Variants in DCLK2 observed in about 807,000 individuals in gnomAD.
DCLK2 encodes serine/threonine-protein kinase DCLK2.
Under a neutral mutation model 78.4 loss-of-function variants are expected in DCLK2, and 31 were observed. That is an observed-to-expected ratio of 0.40 (90% CI 0.30 to 0.53). The LOEUF is 0.53. DCLK2 is among the 20% of genes least tolerant of loss of function. The pLI, the probability that DCLK2 is intolerant of heterozygous loss-of-function variation, is 0.61. For missense variants in DCLK2, 872 were observed against 973.7 expected, an observed-to-expected ratio of 0.90 and a Z score of 1.39; for synonymous variants, 407 against 374.9, an observed-to-expected ratio of 1.09 and a Z score of -0.99.
At chr4:150,226,672 T>A (rs1263237935) in intron 8 of DCLK2, among the ~76,000 whole-genome samples, 1 of 152,208 alleles carries the variant, frequency 6.6e-6, no homozygotes, top group Non-Finnish European at 1.5e-5. Flanking sequence ...GTTCTAACAT[T>A]TGAATCTTAT....
At chr4:150,251,916 T>C (rs928547648) in intron 15 of DCLK2, among the ~76,000 whole-genome samples, 1 of 151,888 alleles carries the variant, frequency 6.6e-6, no homozygotes, top group African/African-American at 2.4e-5. Context: ...GCTGCTCCCC[T>C]GCCAGAAAGT....
intron 5 of DCLK2, among the ~76,000 whole-genome samples, chr4:150,204,637 A>G (rs573759202): frequency 7.9e-4 from 120 of 152,300 alleles, no homozygotes; most frequent in African/African-American, 2.8e-3. Context: ...CACGCCTGTA[A>G]TCCCAGCACT....
At chr4:150,125,782 G>GTAATC (rs1732881418) in intron 2 of DCLK2, among the ~76,000 whole-genome samples, 1 of 151,628 alleles carries the variant, frequency 6.6e-6, no homozygotes, top group Non-Finnish European at 1.5e-5. Flanking sequence ...TCCCAGCTAC[G>GTAATC]TGGGAGGCTG....
intron 5 of DCLK2, among the ~76,000 whole-genome samples, chr4:150,205,521 A>G (rs913168065): frequency 3.3e-5 from 5 of 152,232 alleles, no homozygotes; most frequent in African/African-American, 9.6e-5. Context: ...CAAAAGAAGC[A>G]GGCATTTTTC....
intron 5 of DCLK2, among the ~76,000 whole-genome samples, chr4:150,215,211 C>A (rs1740600100): frequency 6.6e-6 from 1 of 152,024 alleles, no homozygotes; most frequent in Non-Finnish European, 1.5e-5. Flanking sequence ...CTTTTGTGAC[C>A]AAATGTGGGG....
intron 15 of DCLK2, chr4:150,253,570 TGCGTCC>T: frequency 2.3e-6 from 3 of 1,289,628 alleles, no homozygotes; most frequent in Non-Finnish European, 3.0e-6. Flanking sequence ...TTCACCACGC[TGCGTCC>T]GACCAGCGCG....
chr4:150,150,872 A>C (rs1191938463), intron 2 of DCLK2, among the ~76,000 whole-genome samples: 1 of 152,194 alleles, frequency 6.6e-6, no homozygotes, highest in African/African-American at 2.4e-5. Context: ...AGCTGAAATA[A>C]AGGAGGGCAG....
At chr4:150,101,716 A>G (rs927434302) in intron 1 of DCLK2, among the ~76,000 whole-genome samples, 9 of 152,214 alleles carry the variant, frequency 5.9e-5, no homozygotes, top group Non-Finnish European at 7.3e-5. Context: ...GGCAAATAAT[A>G]TAGCTCTTAT....
Position 150,256,513 on chromosome 4 carries a change from C to A in DCLK2, c.*266C>A, listed in dbSNP as rs1245839358. Reference sequence around the variant, plus strand: ...CGGAGAGACTCGTTCCAGATCATCCCGTCATTTTCAGTTTGTTGGACATTT... The same window carrying A: ...CGGAGAGACTCGTTCCAGATCATCCAGTCATTTTCAGTTTGTTGGACATTT... On this transcript the variant is annotated 3_prime_UTR_variant, in exon 16 of 16. Coordinates refer to ENST00000296550, the MANE Select transcript of DCLK2 (RefSeq NM_001040260.4). 1.6e-5 allele frequency: 7 copies of A among 431,408 alleles called. No individual in the cohort carries two copies. The East Asian group carries it at 2.6e-4, about 16-fold the overall frequency. 26.7% of individuals were successfully genotyped at this position (431,408 alleles called of 1,614,324 possible). A position where few individuals can be genotyped will look rare whatever the true frequency, so the allele number is the denominator to read the frequency against.
intron 2 of DCLK2, among the ~76,000 whole-genome samples, chr4:150,168,858 C>G (rs1736297101): frequency 6.6e-6 from 1 of 152,158 alleles, no homozygotes; most frequent in Admixed American, 6.5e-5. Flanking sequence ...GAGCTGGTTA[C>G]CAAGCCAGTT....
At chr4:150,155,448 G>A (rs888642187) in intron 2 of DCLK2, among the ~76,000 whole-genome samples, 2 of 152,188 alleles carry the variant, frequency 1.3e-5, no homozygotes. Flanking sequence ...TTCGGTTTTT[G>A]TATGCAGCAA....
Position 150,193,155 on chromosome 4 carries a change from C to CT in DCLK2, c.780dup (p.Gly261TrpfsTer2). ...GTTCTCAGGTTACTTGTCTGCAAGACTTTTTTGGTGATGACGATGTTTTTA... is the reference window on the plus strand; with the variant it reads ...GTTCTCAGGTTACTTGTCTGCAAGACTTTTTTTGGTGATGACGATGTTTTTA... On this transcript the variant is annotated frameshift_variant, in exon 3 of 16. Coordinates refer to ENST00000296550, the MANE Select transcript of DCLK2 (RefSeq NM_001040260.4). LOFTEE classifies it high-confidence loss of function. The CT allele has an allele frequency of 1.2e-6, 2 of 1,608,972 alleles. No individual in the cohort carries two copies. Among genetic ancestry groups the CT allele is most frequent in the South Asian group, 1.1e-5 (1 of 90,002 alleles).
intron 2 of DCLK2, among the ~76,000 whole-genome samples, chr4:150,175,224 T>C (rs923280400): frequency 7.6e-6 from 1 of 131,104 alleles, no homozygotes; most frequent in African/African-American, 2.9e-5. Flanking sequence ...TTTATCTATA[T>C]ATATTTATAT....
At chr4:150,249,530 G>C (rs752914941) in intron 14 of DCLK2, 38 bp from the exon 15 acceptor site, 3 of 1,578,430 alleles carry the variant, frequency 1.9e-6, no homozygotes, top group Non-Finnish European at 2.6e-6. Flanking sequence ...ACGGGAGGAT[G>C]GAAAAAGCAT....
chr4:150,208,376 T>C (rs1455337819), intron 5 of DCLK2, among the ~76,000 whole-genome samples: 1 of 151,510 alleles, frequency 6.6e-6, no homozygotes, highest in Non-Finnish European at 1.5e-5. Context: ...GTCTTCAAGA[T>C]GGAGAAACGG....
In DCLK2 at chr4:150,198,081, A is replaced by G; in HGVS notation, c.939A>G (p.Arg313=). 6.2e-7 allele frequency: 1 copy of G among 1,613,820 alleles called. No homozygotes were observed. The highest frequency in any genetic ancestry group is 8.5e-7 in the Non-Finnish European group (1 of 1,179,900). The change falls in exon 4 of 16, where the codon CGA becomes CGG. Residue 313 remains arginine (R), a synonymous_variant. Transcript: ENST00000296550. The part of the protein sequence containing the change: ...YSGSKSPGPS[R]RSKSPASVNG... ...GATCCAAAAGCCCTGGGCCCTCTCG[A>G]CGCAGCAAATCACCAGCTTCAGGTA...
chr4:150,187,382 C>T (rs1207566334), intron 2 of DCLK2, among the ~76,000 whole-genome samples: 2 of 152,210 alleles, frequency 1.3e-5, no homozygotes, highest in African/African-American at 4.8e-5. Flanking sequence ...CTTTAATGAT[C>T]TTTCCACAGG....
chr4:150,079,109 C>T lies in DCLK2; in HGVS notation c.82C>T (p.Pro28Ser), dbSNP rs1447834920. Residue 28 changes from proline to serine, a missense_variant, in exon 1 of 16, where the codon CCC becomes TCC. Around this residue, in one of 3 missense-constraint regions of DCLK2, gnomAD observed 567 missense variants for 593.4 expected, o/e 0.96. Coordinates refer to ENST00000296550, the MANE Select transcript of DCLK2 (RefSeq NM_001040260.4). ...GCGGCCGGGGTCGCGGAGAGGGGCC[C>T]CCAGCTCCTCCGGGGGCAGCAGCAG... ...RPRPGSRRGA[P>S]SSSGGSSSSG... 3 of 1,572,114 alleles carry T rather than the reference C, an allele frequency of 1.9e-6. No individual in the cohort carries two copies. Among genetic ancestry groups the T allele is most frequent in the Non-Finnish European group, 8.6e-7 (1 of 1,161,730 alleles).
chr4:150,194,479 G>GC (rs1259161622), intron 3 of DCLK2, among the ~76,000 whole-genome samples: 1 of 152,050 alleles, frequency 6.6e-6, no homozygotes, highest in Admixed American at 6.6e-5. Context: ...GCTAACTTTT[G>GC]CCAATATATG....
Sources: allele counts gnomAD v4.1 joint callset (sites outside exome capture counted in the v4.1 genomes callset), GRCh38; gene constraint gnomAD v4.1.1; regional missense constraint gnomAD v4.1.1; transcripts MANE v1.5; gene names NCBI Gene and HGNC (gene_info 2026-07-23, HGNC 2026-07-21).